Variants in GPR158 observed in about 807,000 individuals in gnomAD.
GPR158 encodes the protein G protein-coupled receptor 158, also known as metabotropic glycine receptor.
A neutral mutation model predicts 78.2 loss-of-function variants in GPR158; 30 were observed. The ratio of observed to expected loss-of-function variants is 0.38; its 90% confidence interval spans 0.29 to 0.52. GPR158 has a LOEUF of 0.52. Among genes scored for constraint, GPR158 ranks in the 20% least tolerant of loss-of-function variants. The pLI is 0.83. For synonymous variants in GPR158, 581 were observed against 591.1 expected (o/e 0.98, Z 0.25); for missense variants, 1,463 against 1,523.5 (o/e 0.96, Z 0.66).
chr10:25,580,951 T>C (rs1025268460), intron 7 of GPR158, among the ~76,000 whole-genome samples: 5 of 139,636 alleles, frequency 3.6e-5, no homozygotes, highest in African/African-American at 1.0e-4. Context: ...GGAGTCTCGC[T>C]CTGTTGCCCA....
At chr10:25,520,824 C>G (rs550209214) in intron 5 of GPR158, among the ~76,000 whole-genome samples, 5 of 152,330 alleles carry the variant, frequency 3.3e-5, no homozygotes, top group African/African-American at 9.6e-5. Flanking sequence ...TTTTGTTTGT[C>G]TGTGCCCTGC....
At position 25,598,141 on chromosome 10, in the gene GPR158, C is replaced by T. The variant is rs1837436629; in HGVS notation, c.2515C>T (p.Gln839Ter). ...GTCCAGTAGCCTACCCACAGAAAGC[C>T]AAGAGGAGGAGACAACAGAAAATTC... ...EESSSLPTESQEEETTENSTL... is the reference protein window; with the variant it reads ...EESSSLPTES Residue 839 changes from glutamine (Q) to a stop codon, truncating the protein, a stop_gained, in exon 11 of 11, where the codon CAA (glutamine) becomes TAA (stop). Coordinates refer to ENST00000376351, the MANE Select transcript of GPR158 (RefSeq NM_020752.3). LOFTEE classifies it low-confidence loss of function (END_TRUNC). 6.2e-7 allele frequency: 1 copy of T among 1,613,930 alleles called. No individual in the cohort carries two copies. The highest frequency in any genetic ancestry group is 8.5e-7 in the Non-Finnish European group (1 of 1,180,016).
chr10:25,595,649 A>G (rs1233949123), intron 9 of GPR158, among the ~76,000 whole-genome samples: 2 of 152,262 alleles, frequency 1.3e-5, no homozygotes, highest in African/African-American at 4.8e-5. Flanking sequence ...ACATTGCATG[A>G]TTCCATTTAT....
At chr10:25,249,570 CAT>C (rs1384944787) in intron 2 of GPR158, among the ~76,000 whole-genome samples, 2 of 151,826 alleles carry the variant, frequency 1.3e-5, no homozygotes, top group African/African-American at 2.4e-5. Flanking sequence ...TTGAGATAAT[CAT>C]GTGGATTTTG....
chr10:25,457,614 C>A (rs868740206), intron 4 of GPR158, among the ~76,000 whole-genome samples: 2 of 152,104 alleles, frequency 1.3e-5, no homozygotes, highest in South Asian at 4.1e-4. Flanking sequence ...AAGGGCAAAG[C>A]CATCCATATG....
chr10:25,351,884 G>T (rs1855478297), intron 2 of GPR158, among the ~76,000 whole-genome samples: 1 of 151,672 alleles, frequency 6.6e-6, no homozygotes. Flanking sequence ...TATTCTTCCT[G>T]ATGCTCTTGC....
At chr10:25,384,730 C>T (rs1033656834) in intron 2 of GPR158, among the ~76,000 whole-genome samples, 68 of 151,842 alleles carry the variant, frequency 4.5e-4, no homozygotes, top group African/African-American at 1.6e-3. Context: ...GTATGCACCT[C>T]ATCTTAGCTT....
chr10:25,577,308 A>AG lies in GPR158; in HGVS notation c.1753+4423dup, dbSNP rs1768403801. Among the ~76,000 whole-genome samples, 7 of 152,264 alleles carry AG rather than the reference A, an allele frequency of 4.6e-5. No homozygotes were observed. In the South Asian group the frequency reaches 1.4e-3, roughly 32 times the overall value. On this transcript the variant is annotated intron_variant, in intron 7 of 10. Coordinates refer to ENST00000376351, the MANE Select transcript of GPR158 (RefSeq NM_020752.3). ...ACTAAATTATTTCCTGGATCCTAAG[A>AG]GGTAATGTTCCCATATAGGAAGGGA...
intron 7 of GPR158, among the ~76,000 whole-genome samples, chr10:25,587,009 T>C (rs73610309): frequency 0.014 from 2,060 of 152,294 alleles, 43 homozygotes; most frequent in African/African-American, 0.046. Context: ...TCCGTCTTGC[T>C]GACCGACTAA....
chr10:25,221,005 A>G, intron 1 of GPR158, 47 bp from the exon 2 acceptor site: 1 of 1,030,906 alleles, frequency 9.7e-7, no homozygotes, highest in Non-Finnish European at 1.5e-6. Flanking sequence ...CAGAGAAATC[A>G]TAAATGTCCA....
At chr10:25,524,871 G>A (rs551754377) in intron 5 of GPR158, among the ~76,000 whole-genome samples, 2 of 152,106 alleles carry the variant, frequency 1.3e-5, no homozygotes, top group Non-Finnish European at 2.9e-5. Context: ...GACAATATTT[G>A]TATGTCATAT....
At chr10:25,471,374 G>A (rs1325407195) in intron 5 of GPR158, among the ~76,000 whole-genome samples, 1 of 152,090 alleles carries the variant, frequency 6.6e-6, no homozygotes. Flanking sequence ...AGATATTTGG[G>A]TCGGTTCCAA....
intron 1 of GPR158, among the ~76,000 whole-genome samples, chr10:25,194,390 T>C (rs1852816950): frequency 6.6e-6 from 1 of 151,954 alleles, no homozygotes; most frequent in African/African-American, 2.4e-5. Context: ...AATACAAAAA[T>C]TAGCCAAGCG....
At chr10:25,500,520 G>C (rs960768983) in intron 5 of GPR158, among the ~76,000 whole-genome samples, 1 of 152,166 alleles carries the variant, frequency 6.6e-6, no homozygotes, top group African/African-American at 2.4e-5. Context: ...AGTCAGACAG[G>C]ACCCTTATTA....
chr10:25,408,832 T>C (rs1288589726), intron 3 of GPR158, among the ~76,000 whole-genome samples: 5 of 152,180 alleles, frequency 3.3e-5, no homozygotes, highest in Non-Finnish European at 5.9e-5. Context: ...TTTGTTTAAG[T>C]GCCGTTGAGG....
At chr10:25,321,442 G>A (rs1273462040) in intron 2 of GPR158, among the ~76,000 whole-genome samples, 1 of 152,112 alleles carries the variant, frequency 6.6e-6, no homozygotes, top group Non-Finnish European at 1.5e-5. Context: ...CTATATGAAA[G>A]GAATTAAAGA....
chr10:25,586,391 ATTTTTTTTT>A (rs71399977), intron 7 of GPR158, among the ~76,000 whole-genome samples: 1 of 70,910 alleles, frequency 1.4e-5, no homozygotes, highest in African/African-American at 5.2e-5. Flanking sequence ...GTATGTGTGA[ATTTTTTTTT>A]TTTTTTTTTT....
chr10:25,277,756 C>G (rs1854205446), intron 2 of GPR158, among the ~76,000 whole-genome samples: 2 of 152,034 alleles, frequency 1.3e-5, no homozygotes, highest in Admixed American at 1.3e-4. Flanking sequence ...AGGAAAATAG[C>G]CCAGAAAAAA....
At chr10:25,258,380 G>A (rs188632902) in intron 2 of GPR158, among the ~76,000 whole-genome samples, 12 of 152,224 alleles carry the variant, frequency 7.9e-5, no homozygotes, top group East Asian at 1.9e-4. Flanking sequence ...CCCTGATTGC[G>A]GCTTACCTTG....
Sources: allele counts gnomAD v4.1 joint callset (sites outside exome capture counted in the v4.1 genomes callset), GRCh38; gene constraint gnomAD v4.1.1; transcripts MANE v1.5; gene names NCBI Gene and HGNC (gene_info 2026-07-23, HGNC 2026-07-21).